Variants in PRKCQ observed in about 807,000 individuals in gnomAD.
PRKCQ encodes protein kinase C theta type.
PRKCQ carries 41 observed loss-of-function variants against 91.2 expected under a neutral mutation model. That is an observed-to-expected ratio of 0.45 (90% confidence interval 0.35 to 0.58). The LOEUF is 0.58. Ranked by LOEUF, PRKCQ falls within the 20% of genes least tolerant of loss-of-function variation. PRKCQ has a pLI of 0.00. For missense variants in PRKCQ, 673 were observed against 896.5 expected (o/e 0.75, Z 3.18); for synonymous variants, 307 against 316.9 (o/e 0.97, Z 0.33).
chr10:6,413,015 C>G, the PRKCQ span, among the ~76,000 whole-genome samples: 1 of 152,214 alleles, frequency 6.6e-6, no homozygotes, highest in South Asian at 2.1e-4. Context: ...TGCAGTGGCT[C>G]CATCTCGGCT....
chr10:6,566,753 A>G (rs1340193112), intron 1 of PRKCQ, among the ~76,000 whole-genome samples: 2 of 152,032 alleles, frequency 1.3e-5, no homozygotes, highest in East Asian at 3.9e-4. Flanking sequence ...GGAGGAACAC[A>G]CTGATGACCA....
intron 15 of PRKCQ, among the ~76,000 whole-genome samples, chr10:6,445,777 G>C (rs1834250711): frequency 6.6e-6 from 1 of 152,172 alleles, no homozygotes; most frequent in Non-Finnish European, 1.5e-5. Context: ...GTAGACCCAG[G>C]GAGAATGATA....
chr10:6,540,941 A>T (rs1366957178), intron 1 of PRKCQ, among the ~76,000 whole-genome samples: 1 of 152,248 alleles, frequency 6.6e-6, no homozygotes, highest in East Asian at 1.9e-4. Context: ...AGCAGAGCTT[A>T]TTGATTTGTG....
chr10:6,535,439 C>T (rs1220754411), intron 1 of PRKCQ, among the ~76,000 whole-genome samples: 1 of 152,106 alleles, frequency 6.6e-6, no homozygotes, highest in Non-Finnish European at 1.5e-5. Flanking sequence ...AAATGTTACC[C>T]ATGATGTTAA....
intron 7 of PRKCQ, among the ~76,000 whole-genome samples, chr10:6,492,459 C>A (rs999501366): frequency 1.3e-5 from 2 of 152,060 alleles, no homozygotes; most frequent in African/African-American, 2.4e-5. Context: ...CTTTTGAAGT[C>A]GCTTCTATTA....
intron 8 of PRKCQ, among the ~76,000 whole-genome samples, chr10:6,491,254 CAGAA>C (rs1415631322): frequency 3.9e-5 from 6 of 152,160 alleles, no homozygotes; most frequent in Non-Finnish European, 5.9e-5. Flanking sequence ...GATGAGATGA[CAGAA>C]AGAATCTTAC....
At chr10:6,485,889 T>C in intron 9 of PRKCQ, 146 bp downstream of exon 9, 1 of 623,086 alleles carries the variant, frequency 1.6e-6, no homozygotes, top group Non-Finnish European at 2.8e-6. Flanking sequence ...GGTGTGGGCA[T>C]GGATATGAAA....
chr10:6,469,760 C>CT (rs1461509267), intron 12 of PRKCQ, among the ~76,000 whole-genome samples: 1 of 152,058 alleles, frequency 6.6e-6, no homozygotes, highest in East Asian at 1.9e-4. Flanking sequence ...CCTCCCTACT[C>CT]TAAAATTCTT....
At chr10:6,559,573 G>T (rs1013922022) in intron 1 of PRKCQ, among the ~76,000 whole-genome samples, 1 of 152,116 alleles carries the variant, frequency 6.6e-6, no homozygotes, top group African/African-American at 2.4e-5. Context: ...TGGCCAGGAT[G>T]GTCTCGAACT....
chr10:6,420,667 T>C, the PRKCQ span, among the ~76,000 whole-genome samples: 3 of 152,214 alleles, frequency 2.0e-5, no homozygotes, highest in South Asian at 4.1e-4. Context: ...AGTTATAGAA[T>C]TGTATGTTCA....
chr10:6,497,023 G>T lies in PRKCQ; in HGVS notation c.660+12C>A. 6.2e-7 allele frequency: 1 copy of T among 1,608,296 alleles called. No homozygotes were observed. The highest frequency in any genetic ancestry group is 8.5e-7 in the Non-Finnish European group (1 of 1,176,262). The stretch of plus-strand genomic sequence containing the variant: ...AAATCACTGCACGTCAAAGAGGAGT[G>T]TAAATACTCACCATGGTTTCTCGGC... On this transcript the variant is annotated intron_variant, in intron 7 of 17. Coordinates refer to ENST00000263125, the MANE Select transcript of PRKCQ (RefSeq NM_006257.5). This position sits in a 1 kb window ranked among gnomAD's most constrained non-coding sequence, Gnocchi z 4.5.
At chr10:6,514,076 C>T (rs1159500140) in intron 2 of PRKCQ, among the ~76,000 whole-genome samples, 2 of 152,114 alleles carry the variant, frequency 1.3e-5, no homozygotes, top group African/African-American at 4.8e-5. Context: ...TTTTTTCCCT[C>T]TATGCTCTGG....
At chr10:6,527,244 G>A (rs1375625176) in intron 1 of PRKCQ, among the ~76,000 whole-genome samples, 3 of 152,180 alleles carry the variant, frequency 2.0e-5, no homozygotes, top group Non-Finnish European at 4.4e-5. Flanking sequence ...CAGCAGCCAG[G>A]TACTGAAACT....
intron 8 of PRKCQ, among the ~76,000 whole-genome samples, chr10:6,487,768 C>T (rs890651559): frequency 1.5e-4 from 23 of 152,094 alleles, no homozygotes; most frequent in Admixed American, 9.8e-4. Flanking sequence ...GAGGCCGAGG[C>T]GGGCAGATCA....
At chr10:6,476,358 A>T (rs1426925867) in intron 12 of PRKCQ, among the ~76,000 whole-genome samples, 1 of 152,120 alleles carries the variant, frequency 6.6e-6, no homozygotes, top group Non-Finnish European at 1.5e-5. Flanking sequence ...GAGAAGCACA[A>T]CTGCCTAAGT....
intron 12 of PRKCQ, among the ~76,000 whole-genome samples, chr10:6,464,906 C>A (rs1835563017): frequency 6.6e-6 from 1 of 152,106 alleles, no homozygotes; most frequent in South Asian, 2.1e-4. Context: ...CCCAGGAAGC[C>A]TGGGGAATCT....
At chr10:6,491,108 G>A (rs1837271778) in intron 8 of PRKCQ, among the ~76,000 whole-genome samples, 1 of 152,200 alleles carries the variant, frequency 6.6e-6, no homozygotes, top group Admixed American at 6.5e-5. Flanking sequence ...GGCAATGACG[G>A]TCACAACCGG....
At chr10:6,395,093 C>G in the PRKCQ span, among the ~76,000 whole-genome samples, 14 of 130,974 alleles carry the variant, frequency 1.1e-4, no homozygotes, top group African/African-American at 3.8e-4. Flanking sequence ...GACGGAGTCT[C>G]GCTCTGTCTC....
At chr10:6,549,683 T>C (rs989873305) in intron 1 of PRKCQ, among the ~76,000 whole-genome samples, 4 of 142,884 alleles carry the variant, frequency 2.8e-5, no homozygotes, top group Admixed American at 7.5e-5. Flanking sequence ...TAGGCTGGAG[T>C]GCAATGGCAT....
Sources: gnomAD v4.1 joint callset for allele counts (sites outside exome capture counted in the v4.1 genomes callset) on GRCh38, gnomAD v4.1.1 for gene constraint, Gnocchi (gnomAD v3.1) non-coding constraint, MANE v1.5 for transcripts, NCBI Gene and HGNC (gene_info 2026-07-23, HGNC 2026-07-21) for gene names.